NXPH1: variants seen among roughly 807,000 people sequenced by gnomAD.
NXPH1 encodes neurexophilin 1.
NXPH1 carries 5 observed loss-of-function variants against 23.7 expected under a neutral mutation model. The observed-to-expected ratio is 0.21, with a 90% CI of 0.11 to 0.44. The LOEUF is 0.44. Ranked by LOEUF, NXPH1 falls within the 20% of genes least tolerant of loss-of-function variation. NXPH1 has a pLI of 0.99. For synonymous variants in NXPH1, 144 were observed against 122.2 expected (o/e 1.18, Z -1.18); for missense variants, 324 against 321.6 (o/e 1.01, Z -0.06).
intron 2 of NXPH1, among the ~76,000 whole-genome samples, chr7:8,595,074 G>A (rs1486978152): frequency 6.6e-6 from 1 of 151,890 alleles, no homozygotes; most frequent in African/African-American, 2.4e-5. Context: ...AGAATTATTT[G>A]GCCCTAATTT....
At chr7:8,551,780 C>T (rs973117813) in intron 2 of NXPH1, among the ~76,000 whole-genome samples, 2 of 151,454 alleles carry the variant, frequency 1.3e-5, no homozygotes, top group East Asian at 2.0e-4. Flanking sequence ...GAAGAGCAAA[C>T]AAATGAGCAA....
chr7:8,534,729 A>C (rs983707376), intron 2 of NXPH1, among the ~76,000 whole-genome samples: 5 of 152,074 alleles, frequency 3.3e-5, no homozygotes, highest in Admixed American at 2.0e-4. Flanking sequence ...CTCTTTTATC[A>C]CTCTATTCCT....
intron 2 of NXPH1, among the ~76,000 whole-genome samples, chr7:8,479,706 A>G (rs1304608828): frequency 6.6e-6 from 1 of 152,174 alleles, no homozygotes; most frequent in African/African-American, 2.4e-5. Flanking sequence ...TTGTTAAATC[A>G]TATAGCTAGG....
intron 2 of NXPH1, among the ~76,000 whole-genome samples, chr7:8,666,119 T>C (rs1476415263): frequency 2.6e-5 from 4 of 151,872 alleles, no homozygotes; most frequent in Non-Finnish European, 5.9e-5. Context: ...CTCCTTGCCT[T>C]GTTCTTGATC....
intron 2 of NXPH1, among the ~76,000 whole-genome samples, chr7:8,513,938 A>G (rs935938233): frequency 2.0e-5 from 3 of 152,104 alleles, no homozygotes; most frequent in African/African-American, 4.8e-5. Flanking sequence ...TCTCAGGGCT[A>G]TGAGGGAAGG....
At chr7:8,528,474 T>C (rs754336388) in intron 2 of NXPH1, among the ~76,000 whole-genome samples, 4 of 152,268 alleles carry the variant, frequency 2.6e-5, no homozygotes, top group Non-Finnish European at 4.4e-5. Context: ...ACATGATTCA[T>C]TTTAACATGA....
At chr7:8,486,681 G>C (rs1320476752) in intron 2 of NXPH1, among the ~76,000 whole-genome samples, 2 of 152,112 alleles carry the variant, frequency 1.3e-5, no homozygotes, top group African/African-American at 4.8e-5. Flanking sequence ...TCCTGTGCTA[G>C]TCTACACTTA....
intron 2 of NXPH1, among the ~76,000 whole-genome samples, chr7:8,675,288 TG>T (rs1360067710): frequency 6.6e-6 from 1 of 151,856 alleles, no homozygotes; most frequent in African/African-American, 2.4e-5. Context: ...ATGTAACATC[TG>T]TTTAATAATT....
intron 2 of NXPH1, among the ~76,000 whole-genome samples, chr7:8,544,709 T>A (rs1818174063): frequency 6.6e-6 from 1 of 151,658 alleles, no homozygotes; most frequent in African/African-American, 2.4e-5. Context: ...AGTGCCTGTT[T>A]CTTTAAGTAG....
chr7:8,585,829 G>T lies in NXPH1; in HGVS notation c.54+150062G>T, dbSNP rs143961453. Reference sequence around the variant, plus strand: ...TTCAGATTCTTTTTCATGCCAATTTGCAATTTGTGACAGTGCCACATTTTT... The same window carrying T: ...TTCAGATTCTTTTTCATGCCAATTTTCAATTTGTGACAGTGCCACATTTTT... On this transcript the variant is annotated intron_variant, in intron 2 of 2. Coordinates refer to ENST00000405863, the MANE Select transcript of NXPH1 (RefSeq NM_152745.3). Among the ~76,000 whole-genome samples the T allele has an allele frequency of 7.0e-3, 1,069 of 152,284 alleles. 10 individuals carry two copies. Among genetic ancestry groups the T allele is most frequent in the African/African-American group, 0.023 (939 of 41,566 alleles).
intron 2 of NXPH1, among the ~76,000 whole-genome samples, chr7:8,507,684 G>A (rs1451266715): frequency 6.6e-6 from 1 of 152,034 alleles, no homozygotes; most frequent in African/African-American, 2.4e-5. Context: ...GTGCCTCTAG[G>A]GAGTGTTACA....
intron 2 of NXPH1, among the ~76,000 whole-genome samples, chr7:8,639,211 T>C (rs76914498): frequency 0.054 from 8,196 of 152,192 alleles, 447 homozygotes; most frequent in East Asian, 0.17. Flanking sequence ...CTTCTGACCT[T>C]CCTAATACCA....
At chr7:8,734,365 T>A (rs543805568) in intron 2 of NXPH1, among the ~76,000 whole-genome samples, 1 of 152,310 alleles carries the variant, frequency 6.6e-6, no homozygotes, top group East Asian at 1.9e-4. Flanking sequence ...GGGCTCTTTT[T>A]TGGTTCTATA....
chr7:8,474,273 C>A (rs1027994016), intron 2 of NXPH1, among the ~76,000 whole-genome samples: 2 of 151,946 alleles, frequency 1.3e-5, no homozygotes, highest in African/African-American at 4.8e-5. Flanking sequence ...TCAGTTGGTG[C>A]AAACAATTTT....
Position 8,662,185 on chromosome 7 carries a change from T to C in NXPH1, c.55-88823T>C, listed in dbSNP as rs199787619. Among the ~76,000 whole-genome samples the C allele has an allele frequency of 1.5e-3, 229 of 148,686 alleles. 1 individual carries two copies. The highest frequency in any genetic ancestry group is 0.01 in the South Asian group (49 of 4,770). On this transcript the variant is annotated intron_variant, in intron 2 of 2. Coordinates refer to ENST00000405863, the MANE Select transcript of NXPH1 (RefSeq NM_152745.3). ...GCATATGATTTTATATATATATATATATATACACACATATATATATACACA... is the reference window on the plus strand; with the variant it reads ...GCATATGATTTTATATATATATATACATATACACACATATATATATACACA...
intron 2 of NXPH1, among the ~76,000 whole-genome samples, chr7:8,696,983 C>G (rs531508545): frequency 7.8e-6 from 1 of 128,782 alleles, no homozygotes; most frequent in Non-Finnish European, 1.9e-5. Context: ...CATGGCAAAA[C>G]CCTGTCTCTA....
intron 2 of NXPH1, among the ~76,000 whole-genome samples, chr7:8,655,428 C>A (rs1435354255): frequency 0.029 from 1,394 of 48,668 alleles, 39 homozygotes; most frequent in East Asian, 0.12. Context: ...CTCTCTCTCT[C>A]TCTCTCTCTC....
At chr7:8,465,808 C>T (rs920417286) in intron 2 of NXPH1, among the ~76,000 whole-genome samples, 1 of 152,238 alleles carries the variant, frequency 6.6e-6, no homozygotes, top group African/African-American at 2.4e-5. Flanking sequence ...CAACATGACT[C>T]TCATGGGGAT....
intron 2 of NXPH1, among the ~76,000 whole-genome samples, chr7:8,470,909 A>T (rs1406998824): frequency 6.6e-6 from 1 of 152,078 alleles, no homozygotes; most frequent in Admixed American, 6.6e-5. Flanking sequence ...AGAATGGCCT[A>T]GACATGGGAA....
Sources: gnomAD v4.1 joint callset for allele counts (sites outside exome capture counted in the v4.1 genomes callset) on GRCh38, gnomAD v4.1.1 for gene constraint, MANE v1.5 for transcripts, NCBI Gene and HGNC (gene_info 2026-07-23, HGNC 2026-07-21) for gene names.